The following MAGI1 variants were observed in gnomAD, a reference collection of about 807,000 sequenced individuals.
MAGI1 encodes the protein membrane associated guanylate kinase, WW and PDZ domain containing 1.
Under a neutral mutation model 139.9 loss-of-function variants are expected in MAGI1, and 58 were observed. The observed-to-expected ratio is 0.41, with a 90% CI of 0.34 to 0.52. MAGI1 has a LOEUF of 0.52. Among genes scored for constraint, MAGI1 ranks in the 20% least tolerant of loss-of-function variants. The pLI is 0.12. For synonymous variants in MAGI1, 812 were observed against 737.9 expected (o/e 1.10, Z -1.63); for missense variants, 1,874 against 1,901.6 (o/e 0.99, Z 0.27).
intron 1 of MAGI1, among the ~76,000 whole-genome samples, chr3:65,913,467 C>A (rs1306017888): frequency 6.6e-6 from 1 of 152,056 alleles, no homozygotes; most frequent in Non-Finnish European, 1.5e-5. Context: ...GGAGAGGCAA[C>A]CCCAAAGTAT....
chr3:65,384,039 A>C (rs1250366651), intron 14 of MAGI1, among the ~76,000 whole-genome samples: 2 of 152,234 alleles, frequency 1.3e-5, no homozygotes, highest in African/African-American at 4.8e-5. Context: ...GCCAGATCTA[A>C]GGATTCGGAA....
At chr3:65,950,215 A>G (rs576594940) in intron 1 of MAGI1, among the ~76,000 whole-genome samples, 1 of 151,288 alleles carries the variant, frequency 6.6e-6, no homozygotes, top group South Asian at 2.1e-4. Context: ...AAGTTAGGAG[A>G]TGAAAGTAGA....
At chr3:66,000,623 C>T (rs1008690933) in intron 1 of MAGI1, among the ~76,000 whole-genome samples, 1 of 152,180 alleles carries the variant, frequency 6.6e-6, no homozygotes, top group Non-Finnish European at 1.5e-5. Flanking sequence ...AAAGGTATTC[C>T]ACACTGGAGT....
intron 18 of MAGI1, among the ~76,000 whole-genome samples, chr3:65,375,102 C>T (rs578030918): frequency 6.6e-6 from 1 of 152,036 alleles, no homozygotes; most frequent in African/African-American, 2.4e-5. Flanking sequence ...ATCTGTACCA[C>T]CTGTATTAAA....
At chr3:65,849,459 G>T (rs1465883856) in intron 1 of MAGI1, among the ~76,000 whole-genome samples, 1 of 118,924 alleles carries the variant, frequency 8.4e-6, no homozygotes. Context: ...TAAGCTAAAA[G>T]TAAACTTTCA....
intron 1 of MAGI1, among the ~76,000 whole-genome samples, chr3:66,016,165 G>A (rs571319236): frequency 6.6e-6 from 1 of 152,140 alleles, no homozygotes; most frequent in Non-Finnish European, 1.5e-5. Context: ...ATTCAAAGGA[G>A]GAAAACTGAC....
At chr3:65,474,784 C>T (rs1218595453) in intron 4 of MAGI1, among the ~76,000 whole-genome samples, 1 of 152,110 alleles carries the variant, frequency 6.6e-6, no homozygotes, top group Non-Finnish European at 1.5e-5. Context: ...ATCTCTGAGG[C>T]TCCATAAAGC....
At chr3:65,447,159 A>C (rs1948730139) in intron 7 of MAGI1, among the ~76,000 whole-genome samples, 1 of 152,238 alleles carries the variant, frequency 6.6e-6, no homozygotes, top group Admixed American at 6.5e-5. Flanking sequence ...AGAATCTTCC[A>C]TCAGCCGAGG....
At chr3:65,777,041 C>T (rs975578422) in intron 1 of MAGI1, among the ~76,000 whole-genome samples, 1 of 152,176 alleles carries the variant, frequency 6.6e-6, no homozygotes, top group Non-Finnish European at 1.5e-5. Context: ...ATAGCAGATG[C>T]CCAACCAAGG....
At chr3:65,805,345 C>T (rs2040785845) in intron 1 of MAGI1, among the ~76,000 whole-genome samples, 1 of 152,202 alleles carries the variant, frequency 6.6e-6, no homozygotes, top group Non-Finnish European at 1.5e-5. Context: ...AAAAGCTCAA[C>T]ATCACTGATC....
In MAGI1 at chr3:65,549,290, C is replaced by T. The variant is rs527341186; in HGVS notation, c.431-55659G>A. 4.1e-5 allele frequency: 18 copies of T among 437,780 alleles called. No individual in the cohort carries two copies. The East Asian group carries it at 2.9e-3, about 69-fold the overall frequency. The allele number at this position is 437,780 out of a possible 1,614,324, so 27.1% of individuals were successfully genotyped here. On this transcript the variant is annotated intron_variant, in intron 2 of 22. Transcript: ENST00000402939. ...CCTCGCCTTCTCCTTCCTTCCCTTT[C>T]CTCCCTCTTTCCGTCTTCCCTCTTC...
At chr3:65,922,487 C>T (rs1011901414) in intron 1 of MAGI1, among the ~76,000 whole-genome samples, 1 of 152,038 alleles carries the variant, frequency 6.6e-6, no homozygotes, top group Non-Finnish European at 1.5e-5. Flanking sequence ...TGGAATGACA[C>T]AGATACAAAC....
chr3:65,654,533 T>G (rs2085758458), intron 1 of MAGI1, among the ~76,000 whole-genome samples: 1 of 152,174 alleles, frequency 6.6e-6, no homozygotes, highest in Non-Finnish European at 1.5e-5. Context: ...AAATAGAAGA[T>G]TCCATGAATA....
At chr3:65,798,364 A>AC (rs1559893121) in intron 1 of MAGI1, among the ~76,000 whole-genome samples, 1 of 151,934 alleles carries the variant, frequency 6.6e-6, no homozygotes, top group African/African-American at 2.4e-5. Flanking sequence ...GAAAATGACA[A>AC]CCCCTCGCCC....
At chr3:65,845,168 T>A (rs888990561) in intron 1 of MAGI1, among the ~76,000 whole-genome samples, 1 of 151,804 alleles carries the variant, frequency 6.6e-6, no homozygotes, top group African/African-American at 2.4e-5. Flanking sequence ...GGAGAATCAC[T>A]TGAACCCAGG....
intron 1 of MAGI1, among the ~76,000 whole-genome samples, chr3:65,780,524 T>A (rs1190503817): frequency 6.6e-6 from 1 of 152,198 alleles, no homozygotes; most frequent in Non-Finnish European, 1.5e-5. Flanking sequence ...AACTTGCATA[T>A]GTATTCACAG....
chr3:65,775,860 T>G (rs1321873093), intron 1 of MAGI1, among the ~76,000 whole-genome samples: 1 of 151,690 alleles, frequency 6.6e-6, no homozygotes, highest in Non-Finnish European at 1.5e-5. Flanking sequence ...GAGGATCACC[T>G]GAACCTGGGA....
chr3:65,808,581 G>C (rs1190296869), intron 1 of MAGI1, among the ~76,000 whole-genome samples: 1 of 152,186 alleles, frequency 6.6e-6, no homozygotes, highest in Non-Finnish European at 1.5e-5. Context: ...CCAGCACAAT[G>C]ATTTTATGGG....
intron 5 of MAGI1, chr3:65,469,941 TATTTAA>T (rs1443160132): frequency 1.4e-5 from 2 of 147,918 alleles, no homozygotes; most frequent in Non-Finnish European, 3.0e-5. Context: ...TTTATAAATA[TATTTAA>T]ATATTTATTA....
Sources: gnomAD v4.1 joint callset for allele counts (sites outside exome capture counted in the v4.1 genomes callset) on GRCh38, gnomAD v4.1.1 for gene constraint, MANE v1.5 for transcripts, NCBI Gene and HGNC (gene_info 2026-07-23, HGNC 2026-07-21) for gene names.